The following HPSE2 variants were observed in gnomAD, a reference collection of about 807,000 sequenced individuals.
The protein encoded by HPSE2 is inactive heparanase-2.
Under a neutral mutation model 60.5 loss-of-function variants are expected in HPSE2, and 38 were observed. The observed-to-expected ratio is 0.63, with a 90% CI of 0.48 to 0.82. HPSE2 has a LOEUF of 0.82. HPSE2 is among the 40% of genes least tolerant of loss of function. The pLI is 0.00. For synonymous variants in HPSE2, 295 were observed against 293.2 expected (o/e 1.01, Z -0.06); for missense variants, 713 against 740.4 (o/e 0.96, Z 0.43).
At chr10:98,652,307 T>C (rs756071033) in intron 6 of HPSE2, among the ~76,000 whole-genome samples, 5 of 152,172 alleles carry the variant, frequency 3.3e-5, no homozygotes, top group South Asian at 2.1e-4. Context: ...ACATAGTGCA[T>C]TGGGGATCTT....
At chr10:98,939,295 G>A (rs1291745374) in intron 3 of HPSE2, among the ~76,000 whole-genome samples, 3 of 143,118 alleles carry the variant, frequency 2.1e-5, no homozygotes, top group South Asian at 2.1e-4. Flanking sequence ...CTGGCAAATT[G>A]GATGGAGTCA....
chr10:99,094,540 A>ATATAT (rs1843646305), intron 3 of HPSE2, among the ~76,000 whole-genome samples: 1 of 26,612 alleles, frequency 3.8e-5, no homozygotes, highest in Non-Finnish European at 6.0e-5. Context: ...ATATATATAT[A>ATATAT]TTTTTTTTTT....
At position 98,693,289 on chromosome 10, in the gene HPSE2, TATAGA is replaced by T. The variant is rs1185577633; in HGVS notation, c.1004+606_1004+610del. 2.6e-5 allele frequency among the ~76,000 whole-genome samples: 4 copies of T among 152,228 alleles called. No individual in the cohort carries two copies. The East Asian group carries it at 7.7e-4, about 29-fold the overall frequency. ...CTGGTACAAATGCCCTAAGGGAACT[TATAGA>T]ATATTTAAATTTATTTATCAGATAA... is the stretch of plus-strand genomic sequence containing the variant. On this transcript the variant is annotated intron_variant, in intron 6 of 11. Coordinates refer to ENST00000370552, the MANE Select transcript of HPSE2 (RefSeq NM_021828.5).
At chr10:99,306,698 G>A in the HPSE2 span, among the ~76,000 whole-genome samples, 1 of 152,038 alleles carries the variant, frequency 6.6e-6, no homozygotes, top group Non-Finnish European at 1.5e-5. Flanking sequence ...TTCTTCACTT[G>A]TTTTTTTGTT....
the HPSE2 span, among the ~76,000 whole-genome samples, chr10:99,302,335 AAT>A: frequency 6.1e-5 from 9 of 148,218 alleles, no homozygotes; most frequent in Non-Finnish European, 1.4e-4. Flanking sequence ...TCCCCCATAC[AAT>A]ATCACTTTGA....
chr10:98,555,724 C>T lies in HPSE2; in HGVS notation c.1320+59180G>A, dbSNP rs1730649367. ...TTGGTTTTTAAAACTGTGAAGAGGA[C>T]ATTTGGTTGCAGATGATGGAATAAA... is the stretch of plus-strand genomic sequence containing the variant. On this transcript the variant is annotated intron_variant, in intron 9 of 11. Transcript: ENST00000370552. Among the ~76,000 whole-genome samples, 6 of 152,160 alleles carry T rather than the reference C, an allele frequency of 3.9e-5. No homozygotes were observed. The South Asian group carries it at 1.2e-3, about 32-fold the overall frequency.
At chr10:98,663,783 C>A (rs919454759) in intron 6 of HPSE2, among the ~76,000 whole-genome samples, 3 of 152,138 alleles carry the variant, frequency 2.0e-5, no homozygotes, top group Non-Finnish European at 2.9e-5. Flanking sequence ...CACGGGGAGC[C>A]CCACAGGCCT....
At chr10:99,147,502 T>C (rs1846099619) in intron 2 of HPSE2, among the ~76,000 whole-genome samples, 1 of 152,214 alleles carries the variant, frequency 6.6e-6, no homozygotes, top group African/African-American at 2.4e-5. Flanking sequence ...CTAATAAATA[T>C]ATTGCTCAGA....
chr10:98,571,999 C>T (rs1044089588), intron 9 of HPSE2, among the ~76,000 whole-genome samples: 10 of 146,392 alleles, frequency 6.8e-5, no homozygotes, highest in Non-Finnish European at 1.0e-4. Context: ...AGTGCAGTGG[C>T]GTGATCTTGG....
the HPSE2 span, among the ~76,000 whole-genome samples, chr10:99,275,929 C>T: frequency 6.6e-6 from 1 of 151,970 alleles, no homozygotes; most frequent in African/African-American, 2.4e-5. Flanking sequence ...ATGTGATGTG[C>T]AATCCTGGTA....
chr10:98,791,944 G>A (rs893592337), intron 3 of HPSE2, among the ~76,000 whole-genome samples: 24 of 152,026 alleles, frequency 1.6e-4, no homozygotes, highest in African/African-American at 5.8e-4. Context: ...AGTGACAATG[G>A]CTATATGAAA....
chr10:98,831,270 T>C (rs1002269199), intron 3 of HPSE2, among the ~76,000 whole-genome samples: 2 of 152,132 alleles, frequency 1.3e-5, no homozygotes, highest in Non-Finnish European at 2.9e-5. Context: ...CAGGAGGGTG[T>C]AGTCCTGAAG....
In HPSE2 at chr10:99,186,127, C is replaced by CACACACACACACACACACAT. The variant is rs1564879574; in HGVS notation, c.449-41729_449-41728insATGTGTGTGTGTGTGTGTGT. Among the ~76,000 whole-genome samples, 16 of 147,564 alleles carry CACACACACACACACACACAT rather than the reference C, an allele frequency of 1.1e-4. 1 individual carries two copies. The highest frequency in any genetic ancestry group is 9.0e-4 in the South Asian group (4 of 4,466). ...AACCACACACACACACACACACACA[C>CACACACACACACACACACAT]ACACACACACACACACACACACACA... On this transcript the variant is annotated intron_variant, in intron 2 of 11. Transcript: ENST00000370552.
intron 6 of HPSE2, among the ~76,000 whole-genome samples, chr10:98,668,769 A>C (rs888841213): frequency 1.6e-4 from 24 of 152,322 alleles, no homozygotes; most frequent in African/African-American, 4.3e-4. Context: ...TGGATTAAAG[A>C]TTTAAATGTA....
chr10:98,849,908 C>T (rs1952127869), intron 3 of HPSE2, among the ~76,000 whole-genome samples: 1 of 152,048 alleles, frequency 6.6e-6, no homozygotes, highest in South Asian at 2.1e-4. Context: ...CCATGCCCGG[C>T]TAATTTTGTA....
intron 3 of HPSE2, among the ~76,000 whole-genome samples, chr10:98,752,323 A>G (rs1949776756): frequency 1.3e-5 from 2 of 152,342 alleles, no homozygotes; most frequent in South Asian, 4.1e-4. Context: ...TATGGTCTTA[A>G]GCAGTTAAAA....
intron 2 of HPSE2, among the ~76,000 whole-genome samples, chr10:99,215,243 A>C (rs1233823505): frequency 6.6e-6 from 1 of 152,238 alleles, no homozygotes; most frequent in Non-Finnish European, 1.5e-5. Flanking sequence ...TCACCAATGA[A>C]GAAAATGTGG....
intron 2 of HPSE2, among the ~76,000 whole-genome samples, chr10:99,211,775 G>A (rs1225974624): frequency 6.6e-6 from 1 of 152,018 alleles, no homozygotes; most frequent in Non-Finnish European, 1.5e-5. Context: ...ACACATACAG[G>A]AAAAGCTCCA....
chr10:98,782,961 C>G lies in HPSE2; in HGVS notation c.611-38905G>C, dbSNP rs1239127345. Reference sequence around the variant, plus strand: ...TTAATGTTTTTTTTTTTATTATACTCTAAGTTTTAGGGAACATGTGCACAT... The same window carrying G: ...TTAATGTTTTTTTTTTTATTATACTGTAAGTTTTAGGGAACATGTGCACAT... On this transcript the variant is annotated intron_variant, in intron 3 of 11. Coordinates refer to ENST00000370552, the MANE Select transcript of HPSE2 (RefSeq NM_021828.5). Among the ~76,000 whole-genome samples the G allele has an allele frequency of 1.6e-3, 142 of 91,550 alleles. 3 individuals are homozygous for G. Among genetic ancestry groups the G allele is most frequent in the African/African-American group, 5.9e-3 (134 of 22,748 alleles). 60.1% of individuals were successfully genotyped at this position (91,550 alleles called of 152,430 possible).
Sources: allele counts gnomAD v4.1 joint callset (sites outside exome capture counted in the v4.1 genomes callset), GRCh38; gene constraint gnomAD v4.1.1; transcripts MANE v1.5; gene names NCBI Gene and HGNC (gene_info 2026-07-23, HGNC 2026-07-21).